Variants in ANK3 observed in about 807,000 individuals in gnomAD.
ANK3 encodes ankyrin 3, also known as ankyrin-3.
In ANK3, 57 loss-of-function variants were observed where a neutral mutation model predicts 370.9. That is an observed-to-expected ratio of 0.15 (90% CI 0.12 to 0.19). The LOEUF (loss-of-function observed/expected upper bound fraction) is 0.19. ANK3 is among the 10% of genes least tolerant of loss of function. ANK3 has a pLI of 1.00. For synonymous variants in ANK3, 1,929 were observed against 1,946.3 expected, an observed-to-expected ratio of 0.99 and a Z score of 0.23; for missense variants, 4,439 against 5,302.1, an observed-to-expected ratio of 0.84 and a Z score of 5.06.
intron 2 of ANK3, among the ~76,000 whole-genome samples, chr10:60,469,182 TAC>T (rs35199218): frequency 0.014 from 878 of 63,596 alleles, 34 homozygotes; most frequent in South Asian, 0.024. Context: ...TATATATATA[TAC>T]ACCACTTTTA....
At chr10:60,033,379 G>A (rs548725862) in intron 43 of ANK3, among the ~76,000 whole-genome samples, 1 of 151,968 alleles carries the variant, frequency 6.6e-6, no homozygotes, top group African/African-American at 2.4e-5. Context: ...GCCGGGTGAG[G>A]TGGCAGGCAC....
intron 1 of ANK3, among the ~76,000 whole-genome samples, chr10:60,629,858 G>GAT (rs1176716465): frequency 2.6e-5 from 4 of 151,938 alleles, no homozygotes; most frequent in Admixed American, 1.3e-4. Context: ...TATGAAAATG[G>GAT]ATATACCTTT....
intron 25 of ANK3, among the ~76,000 whole-genome samples, chr10:60,119,666 G>A (rs1041621473): frequency 5.7e-4 from 87 of 152,214 alleles, no homozygotes; most frequent in African/African-American, 1.9e-3. Flanking sequence ...CATCTAATCG[G>A]GAGGCTGAGA....
intron 1 of ANK3, among the ~76,000 whole-genome samples, chr10:60,370,588 A>G (rs908620284): frequency 6.6e-6 from 1 of 152,238 alleles, no homozygotes; most frequent in African/African-American, 2.4e-5. Context: ...GAACACAATT[A>G]TAACATCACA....
chr10:60,186,900 G>A lies in ANK3; in HGVS notation c.1900C>T (p.Pro634Ser). The change falls in exon 17 of 44, where the codon CCA (proline) becomes TCA (serine). Residue 634 changes from proline to serine, a missense_variant. Physicochemically the swap from Pro to Ser is moderately conservative, Grantham distance 74. This residue lies in a region of ANK3 where 192 missense variants were observed against 192.1 expected (regional missense o/e 1.00). Transcript: ENST00000280772. ...PHAAAKNGYTPLHIAAKKNQM... is the reference protein window; with the variant it reads ...PHAAAKNGYTSLHIAAKKNQM... ...TTCTTTTTGGCAGCGATGTGCAGTG[G>A]CGTATAACCATTCTGTCAACACAAA... 1.2e-6 allele frequency: 2 copies of A among 1,614,060 alleles called. No homozygotes were observed. Among genetic ancestry groups the A allele is most frequent in the Non-Finnish European group, 1.7e-6 (2 of 1,179,994 alleles).
At chr10:60,288,112 G>A (rs1222465697) in intron 1 of ANK3, among the ~76,000 whole-genome samples, 4 of 151,974 alleles carry the variant, frequency 2.6e-5, no homozygotes, top group Admixed American at 2.6e-4. Context: ...TAATTTCCTG[G>A]CACTGTGACT....
At chr10:60,415,547 T>C (rs2063644389) in intron 2 of ANK3, among the ~76,000 whole-genome samples, 1 of 152,056 alleles carries the variant, frequency 6.6e-6, no homozygotes, top group Admixed American at 6.6e-5. Context: ...AAAACCTCGA[T>C]GTTCCCACAC....
At chr10:60,432,086 T>C (rs1052556322) in intron 2 of ANK3, among the ~76,000 whole-genome samples, 10 of 152,216 alleles carry the variant, frequency 6.6e-5, no homozygotes, top group African/African-American at 2.2e-4. Context: ...TCCCTGTTTA[T>C]AAATAAGTAC....
chr10:60,150,917 C>G (rs746987403), intron 23 of ANK3, among the ~76,000 whole-genome samples: 4 of 152,086 alleles, frequency 2.6e-5, no homozygotes, highest in Non-Finnish European at 4.4e-5. Context: ...CACAGAATCT[C>G]GAGTAGAAAG....
At chr10:60,171,099 CTTTT>C (rs980285253) in intron 21 of ANK3, among the ~76,000 whole-genome samples, 1 of 152,002 alleles carries the variant, frequency 6.6e-6, no homozygotes, top group Non-Finnish European at 1.5e-5. Flanking sequence ...GGTTTGAACA[CTTTT>C]TTTGAGAACT....
At chr10:60,126,918 T>A (rs1317293639) in intron 25 of ANK3, among the ~76,000 whole-genome samples, 1 of 152,166 alleles carries the variant, frequency 6.6e-6, no homozygotes, top group African/African-American at 2.4e-5. Context: ...GCAACCACAT[T>A]AGTAATGACA....
At chr10:60,314,210 A>G (rs1312635699) in intron 1 of ANK3, among the ~76,000 whole-genome samples, 2 of 152,224 alleles carry the variant, frequency 1.3e-5, no homozygotes, top group Non-Finnish European at 2.9e-5. Context: ...TACTGTTTTC[A>G]GTGTAGACAG....
chr10:60,647,477 G>A (rs1289622628), intron 1 of ANK3, among the ~76,000 whole-genome samples: 1 of 151,872 alleles, frequency 6.6e-6, no homozygotes, highest in African/African-American at 2.4e-5. Context: ...CTTAATTGAC[G>A]ATTTACTGGG....
chr10:60,725,890 A>T (rs1192812102), intron 1 of ANK3, among the ~76,000 whole-genome samples: 1 of 152,184 alleles, frequency 6.6e-6, no homozygotes, highest in African/African-American at 2.4e-5. Context: ...CAGAATGGGG[A>T]AAGTAATTTT....
chr10:60,455,610 C>T (rs1281997503), intron 2 of ANK3, among the ~76,000 whole-genome samples: 10 of 152,260 alleles, frequency 6.6e-5, no homozygotes, highest in African/African-American at 2.4e-4. Flanking sequence ...CACTTGTCTA[C>T]ATCACACTCG....
chr10:60,144,266 A>G (rs553392938), intron 23 of ANK3: 5 of 415,546 alleles, frequency 1.2e-5, no homozygotes, highest in African/African-American at 2.1e-5. Context: ...GGTAAACCAA[A>G]GAGGTCACAC....
chr10:60,439,922 A>T (rs1747269200), intron 2 of ANK3, among the ~76,000 whole-genome samples: 1 of 152,210 alleles, frequency 6.6e-6, no homozygotes. Context: ...ACCTAAACCA[A>T]GTGTAGCACA....
chr10:60,044,069 A>G (rs2076554352), intron 42 of ANK3: 8 of 985,742 alleles, frequency 8.1e-6, no homozygotes, highest in African/African-American at 1.7e-5. Context: ...ATCCCTCTCC[A>G]TTACCACATC....
At chr10:60,684,389 A>G in intron 1 of ANK3, 1 of 574,682 alleles carries the variant, frequency 1.7e-6, no homozygotes, top group Non-Finnish European at 2.9e-6. Context: ...AGAGACGTTG[A>G]GTGAAGGGGA....
Sources: gnomAD v4.1 joint callset for allele counts (sites outside exome capture counted in the v4.1 genomes callset) on GRCh38, gnomAD v4.1.1 for gene constraint, gnomAD v4.1.1 regional missense constraint, MANE v1.5 for transcripts, NCBI Gene and HGNC (gene_info 2026-07-23, HGNC 2026-07-21) for gene names.